The following BRD10 variants were observed in gnomAD, a reference collection of about 807,000 sequenced individuals.
The protein encoded by BRD10 is uncharacterized bromodomain-containing protein 10.
the BRD10 span, chr9:5,922,356 C>T: frequency 6.2e-7 from 1 of 1,613,950 alleles, no homozygotes; most frequent in Non-Finnish European, 8.5e-7. Context: ...GCTGAAACTG[C>T]ATTCTTGGCT....
chr9:5,938,230 C>T, the BRD10 span, among the ~76,000 whole-genome samples: 1 of 152,034 alleles, frequency 6.6e-6, no homozygotes, highest in African/African-American at 2.4e-5. Context: ...CAATTGAGCC[C>T]AGGAGTTTGA....
At chr9:5,987,859 T>A in the BRD10 span, among the ~76,000 whole-genome samples, 1 of 152,308 alleles carries the variant, frequency 6.6e-6, no homozygotes, top group South Asian at 2.1e-4. Flanking sequence ...ATCACTCTTA[T>A]GCTCCCAGAC....
chr9:5,959,424 A>G, the BRD10 span, among the ~76,000 whole-genome samples: 1 of 152,176 alleles, frequency 6.6e-6, no homozygotes, highest in Non-Finnish European at 1.5e-5. Flanking sequence ...AATAATAGTA[A>G]TATTTATTTT....
chr9:5,983,441 T>C, the BRD10 span, among the ~76,000 whole-genome samples: 3 of 152,032 alleles, frequency 2.0e-5, no homozygotes, highest in African/African-American at 7.2e-5. Context: ...TTACTGGACA[T>C]GCCAAGAAGC....
At chr9:5,972,250 C>A in the BRD10 span, among the ~76,000 whole-genome samples, 72 of 152,064 alleles carry the variant, frequency 4.7e-4, no homozygotes, top group African/African-American at 1.6e-3. Context: ...AATTATAGGA[C>A]ACAAGGAATA....
the BRD10 span, among the ~76,000 whole-genome samples, chr9:5,975,393 C>T: frequency 4.5e-5 from 6 of 132,934 alleles, no homozygotes; most frequent in Non-Finnish European, 6.2e-5. Context: ...GAGCCAGGAT[C>T]GCACCACTGC....
At chr9:5,880,491 G>C in the BRD10 span, among the ~76,000 whole-genome samples, 1 of 151,570 alleles carries the variant, frequency 6.6e-6, no homozygotes, top group African/African-American at 2.4e-5. Context: ...TCCAGCCTCG[G>C]CAACAGAGTG....
At chr9:5,923,124 T>C in the BRD10 span, 1 of 1,613,992 alleles carries the variant, frequency 6.2e-7, no homozygotes, top group Non-Finnish European at 8.5e-7. Flanking sequence ...GTTGTCTCAT[T>C]TGTGCTTAAC....
chr9:5,919,780 G>A, the BRD10 span: 18 of 1,613,810 alleles, frequency 1.1e-5, no homozygotes, highest in Admixed American at 3.0e-4. Flanking sequence ...CAATCTGAGA[G>A]AGAGATGGAG....
At chr9:6,000,417 A>C in the BRD10 span, among the ~76,000 whole-genome samples, 1 of 152,182 alleles carries the variant, frequency 6.6e-6, no homozygotes, top group African/African-American at 2.4e-5. Flanking sequence ...CTCATCTTAC[A>C]GAGACAGCCT....
chr9:5,971,819 T>C, the BRD10 span, among the ~76,000 whole-genome samples: 1 of 152,086 alleles, frequency 6.6e-6, no homozygotes, highest in Non-Finnish European at 1.5e-5. Context: ...ACACACTCAG[T>C]AGAGGGGCAT....
chr9:5,908,725 T>A, the BRD10 span: 6 of 1,601,464 alleles, frequency 3.7e-6, no homozygotes, highest in Non-Finnish European at 5.1e-6. Flanking sequence ...GCGAGACACC[T>A]GAGACATGCT....
the BRD10 span, among the ~76,000 whole-genome samples, chr9:5,975,300 G>A: frequency 2.6e-5 from 4 of 151,856 alleles, no homozygotes; most frequent in Admixed American, 2.0e-4. Context: ...TTAGCTGGGC[G>A]TGGTGGTGCA....
chr9:5,951,034 G>GTA, the BRD10 span, among the ~76,000 whole-genome samples: 3 of 101,440 alleles, frequency 3.0e-5, no homozygotes, highest in East Asian at 7.8e-4. Context: ...AGGGCTGACT[G>GTA]TACACACACA....
chr9:6,008,020 G>A, the BRD10 span: 7 of 1,210,984 alleles, frequency 5.8e-6, no homozygotes, highest in East Asian at 7.1e-5. Context: ...GAGAGCCTAG[G>A]TGCCCTCCTC....
chr9:5,915,817 T>A, the BRD10 span, among the ~76,000 whole-genome samples: 1 of 152,210 alleles, frequency 6.6e-6, no homozygotes, highest in East Asian at 1.9e-4. Flanking sequence ...TTCTACATTA[T>A]ATGGTTCTCA....
the BRD10 span, among the ~76,000 whole-genome samples, chr9:5,928,134 G>A: frequency 1.3e-5 from 2 of 152,014 alleles, no homozygotes; most frequent in South Asian, 4.2e-4. Context: ...AAAATAGTGG[G>A]TATCATCTTT....
the BRD10 span, chr9:5,908,837 CAG>C: frequency 2.4e-6 from 2 of 836,534 alleles, no homozygotes; most frequent in Middle Eastern, 2.3e-4. Flanking sequence ...AATAATAAGT[CAG>C]TGTTAAAATT....
the BRD10 span, among the ~76,000 whole-genome samples, chr9:6,002,190 G>T: frequency 6.6e-6 from 1 of 151,984 alleles, no homozygotes; most frequent in South Asian, 2.1e-4. Context: ...TTGGGGGTGG[G>T]GACTGCCCCC....
Sources: allele counts gnomAD v4.1 joint callset (sites outside exome capture counted in the v4.1 genomes callset), GRCh38; gene constraint gnomAD v4.1.1; transcripts MANE v1.5; gene names NCBI Gene and HGNC (gene_info 2026-07-23, HGNC 2026-07-21).